Variants in ZC3H12B observed in about 807,000 individuals in gnomAD.
ZC3H12B encodes zinc finger CCCH-type containing 12B, also known as probable ribonuclease ZC3H12B.
ZC3H12B carries 7 observed loss-of-function variants against 43.9 expected under a neutral mutation model. That is an observed-to-expected ratio of 0.16 (90% CI 0.09 to 0.30). The LOEUF is 0.30. ZC3H12B is among the 10% of genes least tolerant of loss of function. The pLI is 1.00. For missense variants in ZC3H12B, 475 were observed against 670.2 expected (o/e 0.71, Z 3.22); for synonymous variants, 222 against 241.7 (o/e 0.92, Z 0.76).
chrX:65,106,571 G>A, the ZC3H12B span, among the ~76,000 whole-genome samples: 1 of 110,968 alleles, frequency 9.0e-6, no homozygotes, highest in Non-Finnish European at 1.9e-5. Context: ...TAGTGATAGA[G>A]AAAAAAGACT....
chrX:65,183,563 A>C, the ZC3H12B span, among the ~76,000 whole-genome samples: 10 of 111,940 alleles, frequency 8.9e-5, no homozygotes, highest in African/African-American at 3.2e-4. Context: ...AGTTAAGAAA[A>C]TTATACATAT....
the ZC3H12B span, among the ~76,000 whole-genome samples, chrX:65,267,626 A>G: frequency 2.7e-5 from 3 of 111,492 alleles, no homozygotes; most frequent in Admixed American, 1.9e-4. Flanking sequence ...TCTAAATATA[A>G]CCACCAGAAC....
chrX:65,319,730 C>A, the ZC3H12B span, among the ~76,000 whole-genome samples: 2 of 111,166 alleles, frequency 1.8e-5, no homozygotes, highest in Non-Finnish European at 1.9e-5. Context: ...CCACCTTGAC[C>A]AAGTGTGCCT....
intron 3 of ZC3H12B, among the ~76,000 whole-genome samples, chrX:65,411,648 C>T (rs1361275344): frequency 1.8e-5 from 2 of 110,289 alleles, no homozygotes; most frequent in African/African-American, 3.3e-5. Context: ...ATCACTTGAA[C>T]CCAGGAGGCA....
At chrX:65,264,716 C>T in the ZC3H12B span, among the ~76,000 whole-genome samples, 1 of 111,328 alleles carries the variant, frequency 9.0e-6, no homozygotes, top group Non-Finnish European at 1.9e-5. Flanking sequence ...TGCTGGAGGT[C>T]ATACATGATT....
intron 3 of ZC3H12B, among the ~76,000 whole-genome samples, chrX:65,418,319 T>C (rs1215617978): frequency 8.9e-6 from 1 of 111,812 alleles, no homozygotes; most frequent in Non-Finnish European, 1.9e-5. Context: ...TACACTGGCC[T>C]ATCATTCCAA....
At chrX:65,211,736 A>T in the ZC3H12B span, among the ~76,000 whole-genome samples, 1 of 86,259 alleles carries the variant, frequency 1.2e-5, no homozygotes, top group Admixed American at 1.6e-4. Flanking sequence ...ATGTAATAAT[A>T]TATATATTAT....
the ZC3H12B span, among the ~76,000 whole-genome samples, chrX:65,118,800 AC>A: frequency 6.3e-4 from 28 of 44,706 alleles, no homozygotes; most frequent in Non-Finnish European, 1.1e-3. Flanking sequence ...ATCCCTCCCC[AC>A]CCCCCACCCC....
chrX:65,119,978 A>T, the ZC3H12B span, among the ~76,000 whole-genome samples: 7 of 111,337 alleles, frequency 6.3e-5, no homozygotes, highest in Non-Finnish European at 1.3e-4. Flanking sequence ...ATTATTTCTG[A>T]GGGCTCTGTT....
chrX:65,075,076 T>G, the ZC3H12B span, among the ~76,000 whole-genome samples: 1 of 112,272 alleles, frequency 8.9e-6, no homozygotes, highest in Admixed American at 9.4e-5. Flanking sequence ...ATAGATTGGC[T>G]TTGTGCAAGG....
At chrX:65,466,701 C>A (rs2067821588) in intron 3 of ZC3H12B, among the ~76,000 whole-genome samples, 1 of 105,099 alleles carries the variant, frequency 9.5e-6, no homozygotes, top group African/African-American at 3.4e-5. Flanking sequence ...TACAAAGGTT[C>A]TCTTTTCTTC....
the ZC3H12B span, among the ~76,000 whole-genome samples, chrX:65,314,892 C>A: frequency 9.0e-6 from 1 of 110,745 alleles, no homozygotes; most frequent in Non-Finnish European, 1.9e-5. Context: ...GGTAACAAGA[C>A]TTTTATATTT....
At chrX:65,098,225 T>TACACACAC in the ZC3H12B span, among the ~76,000 whole-genome samples, 2,404 of 96,146 alleles carry the variant, frequency 0.025, 106 homozygotes, top group African/African-American at 0.091. Context: ...CATGTCTTAG[T>TACACACAC]ACACACACAC....
the ZC3H12B span, among the ~76,000 whole-genome samples, chrX:65,360,873 C>T: frequency 8.9e-6 from 1 of 111,808 alleles, no homozygotes; most frequent in South Asian, 3.7e-4. Context: ...GATCAGAAGA[C>T]CTGTATTTCA....
the ZC3H12B span, among the ~76,000 whole-genome samples, chrX:65,227,887 A>T: frequency 8.9e-6 from 1 of 111,820 alleles, no homozygotes; most frequent in Non-Finnish European, 1.9e-5. Flanking sequence ...TGTGGCAATA[A>T]TCAATAGCTT....
At chrX:65,041,631 G>A in the ZC3H12B span, among the ~76,000 whole-genome samples, 1 of 111,920 alleles carries the variant, frequency 8.9e-6, no homozygotes, top group Admixed American at 9.5e-5. Context: ...TAAATTCTGT[G>A]CACTTACAAA....
the ZC3H12B span, among the ~76,000 whole-genome samples, chrX:65,233,603 A>G: frequency 9.0e-6 from 1 of 110,728 alleles, no homozygotes; most frequent in Non-Finnish European, 1.9e-5. Context: ...AAAAAGCAGT[A>G]CTAAGACGGA....
the ZC3H12B span, among the ~76,000 whole-genome samples, chrX:65,159,450 G>C: frequency 1.6e-4 from 18 of 111,386 alleles, 1 homozygote; most frequent in Admixed American, 1.2e-3. Flanking sequence ...ATTGAGCAGT[G>C]GTCTGTAGTT....
chrX:65,255,143 G>C, the ZC3H12B span, among the ~76,000 whole-genome samples: 1 of 112,117 alleles, frequency 8.9e-6, no homozygotes, highest in South Asian at 3.7e-4. Context: ...ACATATTTCA[G>C]GATATCATCT....
Sources: allele counts gnomAD v4.1 joint callset (sites outside exome capture counted in the v4.1 genomes callset), GRCh38; gene constraint gnomAD v4.1.1; transcripts MANE v1.5; gene names NCBI Gene and HGNC (gene_info 2026-07-23, HGNC 2026-07-21).